Variants in NTM observed in about 807,000 individuals in gnomAD.
The protein encoded by NTM is neurotrimin.
Under a neutral mutation model 42.1 loss-of-function variants are expected in NTM, and 13 were observed. That is an observed-to-expected ratio of 0.31 (90% CI 0.20 to 0.49). NTM has a LOEUF of 0.49. Among genes scored for constraint, NTM ranks in the 20% least tolerant of loss-of-function variants. NTM has a pLI of 0.99. For synonymous variants in NTM, 187 were observed against 179.2 expected, an observed-to-expected ratio of 1.04 and a Z score of -0.35; for missense variants, 373 against 452.8, an observed-to-expected ratio of 0.82 and a Z score of 1.60.
intron 1 of NTM, among the ~76,000 whole-genome samples, chr11:131,382,057 C>T (rs1416841312): frequency 2.6e-5 from 4 of 152,144 alleles, no homozygotes; most frequent in Non-Finnish European, 5.9e-5. Flanking sequence ...TGAAATAGTA[C>T]TCTAAATTTT....
At chr11:131,492,950 G>A (rs999948121) in intron 1 of NTM, among the ~76,000 whole-genome samples, 3 of 152,158 alleles carry the variant, frequency 2.0e-5, no homozygotes, top group African/African-American at 7.2e-5. Context: ...AGGTGTGGTG[G>A]CTCATGCCTG....
chr11:131,971,610 G>GGGTCCAAATCTTAACTCTGCCTC (rs2063539468), intron 2 of NTM, among the ~76,000 whole-genome samples: 2 of 152,066 alleles, frequency 1.3e-5, no homozygotes, highest in Non-Finnish European at 1.5e-5. Flanking sequence ...CAACCTGCCT[G>GGGTCCAAATCTTAACTCTGCCTC]GGTCCAAATC....
At chr11:131,791,944 A>G (rs1050341480) in intron 1 of NTM, among the ~76,000 whole-genome samples, 9 of 152,216 alleles carry the variant, frequency 5.9e-5, no homozygotes, top group African/African-American at 1.4e-4. Flanking sequence ...ACTGTTTGTC[A>G]TAAGCCTAAG....
chr11:132,194,110 C>T (rs1279356142), intron 3 of NTM, among the ~76,000 whole-genome samples: 1 of 152,112 alleles, frequency 6.6e-6, no homozygotes, highest in Non-Finnish European at 1.5e-5. Flanking sequence ...CTAACTCATT[C>T]TATGAAGCCA....
chr11:132,327,393 T>C (rs879420396), intron 7 of NTM, among the ~76,000 whole-genome samples: 2 of 152,230 alleles, frequency 1.3e-5, no homozygotes, highest in Non-Finnish European at 2.9e-5. Flanking sequence ...AAACTCTGTA[T>C]ATCAGAAGGA....
chr11:131,904,976 G>A (rs1395128056), intron 1 of NTM, among the ~76,000 whole-genome samples: 1 of 152,152 alleles, frequency 6.6e-6, no homozygotes, highest in Non-Finnish European at 1.5e-5. Context: ...AGCATTCCCA[G>A]GGCCTGCACT....
At chr11:131,979,756 C>T (rs2064963499) in intron 2 of NTM, among the ~76,000 whole-genome samples, 1 of 152,262 alleles carries the variant, frequency 6.6e-6, no homozygotes, top group African/African-American at 2.4e-5. Flanking sequence ...AGACATTTGA[C>T]ATCCACATTT....
At chr11:131,918,732 G>A (rs968568836) in intron 2 of NTM, among the ~76,000 whole-genome samples, 14 of 152,114 alleles carry the variant, frequency 9.2e-5, no homozygotes, top group African/African-American at 3.4e-4. Flanking sequence ...TTGTCGTGGT[G>A]CACAGGAATC....
intron 1 of NTM, among the ~76,000 whole-genome samples, chr11:131,821,417 G>A (rs1233963005): frequency 2.0e-5 from 3 of 152,214 alleles, no homozygotes; most frequent in Non-Finnish European, 4.4e-5. Context: ...TAGGCACTCT[G>A]TTTCCATGGT....
At chr11:131,875,242 T>A (rs1034014827) in intron 1 of NTM, among the ~76,000 whole-genome samples, 5 of 150,414 alleles carry the variant, frequency 3.3e-5, no homozygotes, top group Admixed American at 3.3e-4. Context: ...TTGGGCTTCC[T>A]GGAAACATTT....
intron 1 of NTM, among the ~76,000 whole-genome samples, chr11:131,864,708 A>C (rs1029042057): frequency 6.6e-6 from 1 of 152,208 alleles, no homozygotes; most frequent in Non-Finnish European, 1.5e-5. Context: ...TACTGCATGA[A>C]AGAGTTTCCC....
chr11:131,799,629 C>T (rs2091934992), intron 1 of NTM, among the ~76,000 whole-genome samples: 1 of 152,052 alleles, frequency 6.6e-6, no homozygotes, highest in Admixed American at 6.5e-5. Context: ...ATCTGTCCAC[C>T]AGAATTGAGG....
At chr11:131,593,802 C>T (rs2059590002) in intron 1 of NTM, among the ~76,000 whole-genome samples, 1 of 152,204 alleles carries the variant, frequency 6.6e-6, no homozygotes, top group Non-Finnish European at 1.5e-5. Context: ...CTGGACATAT[C>T]AGTTTCTGCA....
intron 2 of NTM, chr11:131,981,579 AAG>A (rs1250810912): frequency 6.6e-6 from 1 of 152,208 alleles, no homozygotes; most frequent in Non-Finnish European, 1.5e-5. Context: ...TGTCTGTGGC[AAG>A]AGAGGACTGT....
intron 1 of NTM, among the ~76,000 whole-genome samples, chr11:131,675,888 G>A (rs78192986): frequency 6.6e-6 from 1 of 152,260 alleles, no homozygotes; most frequent in African/African-American, 2.4e-5. Flanking sequence ...AAGCCCAGAC[G>A]TCTGCTTGAC....
chr11:132,093,252 T>C (rs902183979), intron 2 of NTM, among the ~76,000 whole-genome samples: 2 of 152,206 alleles, frequency 1.3e-5, no homozygotes, highest in African/African-American at 2.4e-5. Flanking sequence ...GACTCTTTCC[T>C]GTTTCTCTCC....
chr11:132,122,193 T>A (rs951261067), intron 2 of NTM, among the ~76,000 whole-genome samples: 2 of 152,156 alleles, frequency 1.3e-5, no homozygotes, highest in Non-Finnish European at 2.9e-5. Flanking sequence ...TTTGGGAAGA[T>A]GTAGGGCTGG....
At chr11:132,229,266 G>A (rs1188102973) in intron 4 of NTM, among the ~76,000 whole-genome samples, 1 of 152,176 alleles carries the variant, frequency 6.6e-6, no homozygotes, top group Non-Finnish European at 1.5e-5. Flanking sequence ...TTTTGCAGAT[G>A]AGGGAACTGA....
chr11:131,740,994 G>A (rs572301217), intron 1 of NTM, among the ~76,000 whole-genome samples: 160 of 152,068 alleles, frequency 1.1e-3, no homozygotes, highest in African/African-American at 3.4e-3. Context: ...GTAAAACCCC[G>A]TCTCTGCTAA....
Sources: allele counts gnomAD v4.1 joint callset (sites outside exome capture counted in the v4.1 genomes callset), GRCh38; gene constraint gnomAD v4.1.1; transcripts MANE v1.5; gene names NCBI Gene and HGNC (gene_info 2026-07-23, HGNC 2026-07-21).